Variants in PDE8B observed in about 807,000 individuals in gnomAD.
The protein encoded by PDE8B is phosphodiesterase 8B.
A neutral mutation model predicts 101.3 loss-of-function variants in PDE8B; 26 were observed. That is an observed-to-expected ratio of 0.26 (90% CI 0.19 to 0.36). PDE8B has a LOEUF of 0.36. Among genes scored for constraint, PDE8B ranks in the 10% least tolerant of loss-of-function variants. The pLI, the probability that PDE8B is intolerant of heterozygous loss-of-function variation, is 1.00. For synonymous variants in PDE8B, 424 were observed against 429.3 expected (o/e 0.99, Z 0.15); for missense variants, 810 against 1,163.1 (o/e 0.70, Z 4.42).
the PDE8B span, chr5:77,146,727 A>G: frequency 1.6e-5 from 5 of 316,800 alleles, no homozygotes; most frequent in South Asian, 1.8e-4. Context: ...CATGTCTGCT[A>G]AAGAGAAAGG....
the PDE8B span, chr5:77,092,413 C>T: frequency 6.6e-6 from 1 of 152,138 alleles, no homozygotes; most frequent in African/African-American, 2.4e-5. Context: ...ACCTTCAGTT[C>T]TTGCTTTCTT....
intron 1 of PDE8B, among the ~76,000 whole-genome samples, chr5:77,257,672 T>C (rs1759473136): frequency 6.6e-6 from 1 of 152,162 alleles, no homozygotes; most frequent in South Asian, 2.1e-4. Context: ...TTAATTTAAT[T>C]TAATTTTAAG....
chr5:77,269,986 T>C (rs1762472648), intron 1 of PDE8B, among the ~76,000 whole-genome samples: 1 of 152,178 alleles, frequency 6.6e-6, no homozygotes, highest in Non-Finnish European at 1.5e-5. Context: ...AATTTTAGGA[T>C]TTTTTTCTCT....
intron 5 of PDE8B, among the ~76,000 whole-genome samples, chr5:77,332,569 G>A (rs1334498186): frequency 6.6e-6 from 1 of 152,198 alleles, no homozygotes; most frequent in Non-Finnish European, 1.5e-5. Flanking sequence ...CGGGCACGGT[G>A]GCTCACGCCT....
At chr5:77,257,834 C>G (rs960838936) in intron 1 of PDE8B, among the ~76,000 whole-genome samples, 2 of 152,156 alleles carry the variant, frequency 1.3e-5, no homozygotes, top group African/African-American at 4.8e-5. Flanking sequence ...ATCCCCAACC[C>G]TGACAGGCCC....
chr5:77,400,413 A>G, intron 11 of PDE8B, 123 bp downstream of exon 11: 1 of 738,850 alleles, frequency 1.4e-6, no homozygotes, highest in Non-Finnish European at 2.5e-6. Context: ...GCTAAAATCC[A>G]CGTGCTCATA....
chr5:77,382,238 C>A (rs1017519662), intron 10 of PDE8B, among the ~76,000 whole-genome samples: 3 of 152,034 alleles, frequency 2.0e-5, no homozygotes, highest in Non-Finnish European at 4.4e-5. Flanking sequence ...TGTAGACATC[C>A]AGCAGCCCAT....
the PDE8B span, among the ~76,000 whole-genome samples, chr5:77,095,315 T>C: frequency 1.3e-5 from 2 of 152,208 alleles, no homozygotes; most frequent in Non-Finnish European, 2.9e-5. Context: ...TCTTGACTGG[T>C]CTGCTTTTGC....
At chr5:77,148,691 C>T in the PDE8B span, among the ~76,000 whole-genome samples, 14 of 152,154 alleles carry the variant, frequency 9.2e-5, no homozygotes, top group Non-Finnish European at 1.9e-4. Flanking sequence ...AGTGAAATGG[C>T]TATTCAAATC....
At chr5:77,345,236 G>T (rs555854690) in intron 7 of PDE8B, among the ~76,000 whole-genome samples, 4 of 152,140 alleles carry the variant, frequency 2.6e-5, no homozygotes, top group Non-Finnish European at 5.9e-5. Context: ...AGGTAATCTT[G>T]GCTCAGTATA....
At chr5:77,189,427 A>G in the PDE8B span, among the ~76,000 whole-genome samples, 17 of 152,204 alleles carry the variant, frequency 1.1e-4, no homozygotes, top group Non-Finnish European at 2.4e-4. Flanking sequence ...ATAAAGCAGG[A>G]AAGAGCAATA....
intron 1 of PDE8B, among the ~76,000 whole-genome samples, chr5:77,227,050 A>G (rs566365250): frequency 6.6e-6 from 1 of 152,228 alleles, no homozygotes; most frequent in South Asian, 2.1e-4. Context: ...GGGGCTCTGT[A>G]TCACTGATTG....
chr5:77,351,046 GCT>G lies in PDE8B; in HGVS notation c.1018-14_1018-13del, dbSNP rs765066157. 1 of 1,592,444 alleles carries G rather than the reference GCT, an allele frequency of 6.3e-7. No individual in the cohort carries two copies. Among genetic ancestry groups the G allele is most frequent in the Non-Finnish European group, 8.6e-7 (1 of 1,160,218 alleles). The stretch of plus-strand genomic sequence containing the variant: ...CATCCTTGACTGAAGGATTTTAAGA[GCT>G]CTCTTTGTCCATGTAGGAGTGGCAG... On this transcript the variant is annotated splice_polypyrimidine_tract_variant and intron_variant, in intron 8 of 21. Coordinates refer to ENST00000264917, the MANE Select transcript of PDE8B (RefSeq NM_003719.5).
At chr5:77,270,766 T>G (rs1428542318) in intron 1 of PDE8B, among the ~76,000 whole-genome samples, 1 of 152,188 alleles carries the variant, frequency 6.6e-6, no homozygotes, top group Non-Finnish European at 1.5e-5. Context: ...AGATACCACT[T>G]CCTTCTGGGA....
At chr5:77,349,703 C>A in intron 8 of PDE8B, 144 bp downstream of exon 8, 1 of 947,786 alleles carries the variant, frequency 1.1e-6, no homozygotes, top group Non-Finnish European at 1.7e-6. Context: ...AAAATGAGTT[C>A]GTTTTTAAGT....
At chr5:77,273,833 T>C (rs2149793690) in intron 1 of PDE8B, among the ~76,000 whole-genome samples, 1 of 152,210 alleles carries the variant, frequency 6.6e-6, no homozygotes, top group East Asian at 1.9e-4. Context: ...ATTTTTTATT[T>C]TTTTTTGAGA....
At chr5:77,421,551 G>C (rs116079251) in intron 19 of PDE8B, among the ~76,000 whole-genome samples, 2,135 of 152,236 alleles carry the variant, frequency 0.014, 25 homozygotes, top group Non-Finnish European at 0.021. Flanking sequence ...ATGGATGTGA[G>C]GGGTAGACAG....
chr5:77,348,617 T>C (rs1780552552), intron 7 of PDE8B, among the ~76,000 whole-genome samples: 1 of 152,182 alleles, frequency 6.6e-6, no homozygotes, highest in South Asian at 2.1e-4. Context: ...AAAGGAGACA[T>C]GAGAAATCCA....
intron 1 of PDE8B, among the ~76,000 whole-genome samples, chr5:77,236,048 G>A (rs1754616162): frequency 6.6e-6 from 1 of 152,230 alleles, no homozygotes. Flanking sequence ...CTTAACTGCT[G>A]TGCTGTGTTG....
Sources: allele counts gnomAD v4.1 joint callset (sites outside exome capture counted in the v4.1 genomes callset), GRCh38; gene constraint gnomAD v4.1.1; transcripts MANE v1.5; gene names NCBI Gene and HGNC (gene_info 2026-07-23, HGNC 2026-07-21).